AMN1: variants seen among roughly 807,000 people sequenced by gnomAD.
The protein encoded by AMN1 is antagonist of mitotic exit network 1 homolog.
AMN1 carries 20 observed loss-of-function variants against 33.0 expected under a neutral mutation model. The observed-to-expected ratio is 0.61, with a 90% CI of 0.43 to 0.88. The LOEUF (loss-of-function observed/expected upper bound fraction) is 0.88, where lower values mean the gene tolerates loss of function less well. Ranked by LOEUF, AMN1 falls within the 40% of genes least tolerant of loss-of-function variation. The pLI is 0.00. For missense variants in AMN1, 246 were observed against 307.4 expected, an observed-to-expected ratio of 0.80 and a Z score of 1.49; for synonymous variants, 114 against 111.9, an observed-to-expected ratio of 1.02 and a Z score of -0.12.
intron 6 of AMN1, chr12:31,672,728 A>G: frequency 5.3e-6 from 1 of 189,580 alleles, no homozygotes; most frequent in Non-Finnish European, 1.1e-5. Context: ...AGCCGGAAAT[A>G]GATGATTCAC....
Position 31,697,763 on chromosome 12 carries a change from A to G in AMN1, c.511T>C (p.Cys171Arg). ...ACCTGAGTAGCTGAAAAGTCGACAC[A>G]CTGCAAAAATGGGCAGTTTTTTCCT... The part of the protein sequence containing the change: ...ALGKNCPFLQ[C>R]VDFSATQVSD... Residue 171 changes from cysteine to arginine, a missense_variant, in exon 4 of 7, where the codon TGT becomes CGT. Transcript: ENST00000281471. The G allele has an allele frequency of 6.2e-7, 1 of 1,614,022 alleles. No individual in the cohort carries two copies. Among genetic ancestry groups the G allele is most frequent in the South Asian group, 1.1e-5 (1 of 91,084 alleles).
chr12:31,688,842 A>C (rs1466055760), intron 6 of AMN1, among the ~76,000 whole-genome samples, 165 bp downstream of exon 6: 1 of 152,068 alleles, frequency 6.6e-6, no homozygotes, highest in African/African-American at 2.4e-5. Flanking sequence ...AAATAAAATA[A>C]AGAATTGTCA....
Position 31,683,479 on chromosome 12 carries a change from C to A in AMN1, c.703+5528G>T, listed in dbSNP as rs1252723907. Among the ~76,000 whole-genome samples the A allele has an allele frequency of 6.6e-6, 1 of 152,182 alleles. No individual in the cohort carries two copies. The highest frequency in any genetic ancestry group is 2.4e-5 in the African/African-American group (1 of 41,440). ...GACTGTGTCGCCACCCAAATCTCAT[C>A]TTGAATTGTAGCTCCCACAATTCCC... On this transcript the variant is annotated intron_variant, in intron 6 of 6. Coordinates refer to ENST00000281471, the MANE Select transcript of AMN1 (RefSeq NM_001113402.2). The surrounding 1 kb of genome is among the most constrained non-coding windows in gnomAD (Gnocchi z 4.1).
intron 1 of AMN1, among the ~76,000 whole-genome samples, chr12:31,710,323 A>G (rs1189285013): frequency 6.6e-6 from 1 of 152,238 alleles, no homozygotes; most frequent in African/African-American, 2.4e-5. Context: ...CTTTAAAGAA[A>G]CAAATACAAA....
intron 2 of AMN1, among the ~76,000 whole-genome samples, chr12:31,702,995 C>T (rs995965219): frequency 2.0e-5 from 3 of 152,200 alleles, no homozygotes; most frequent in Non-Finnish European, 4.4e-5. Context: ...CCTTGGCCTC[C>T]CAAAGTGCTG....
chr12:31,713,070 G>C (rs1480857292), intron 1 of AMN1, among the ~76,000 whole-genome samples: 1 of 152,122 alleles, frequency 6.6e-6, no homozygotes, highest in Non-Finnish European at 1.5e-5. Context: ...CTGAATCATA[G>C]GGTAGTTCCA....
intron 6 of AMN1, among the ~76,000 whole-genome samples, chr12:31,681,915 G>A (rs558126998): frequency 3.3e-5 from 5 of 152,170 alleles, no homozygotes; most frequent in Non-Finnish European, 5.9e-5. Context: ...GCATTCAAGC[G>A]ATCCACCCAC....
intron 6 of AMN1, among the ~76,000 whole-genome samples, chr12:31,679,956 C>T (rs150323464): frequency 2.7e-4 from 41 of 151,752 alleles, no homozygotes; most frequent in African/African-American, 7.5e-4. Flanking sequence ...GAAACCCTGT[C>T]TCTACTAAAA....
At chr12:31,713,203 TTCTC>T (rs139423025) in intron 1 of AMN1, among the ~76,000 whole-genome samples, 2,393 of 152,276 alleles carry the variant, frequency 0.016, 45 homozygotes, top group Non-Finnish European at 0.021. Flanking sequence ...AGATGTAATG[TTCTC>T]TCTGTGTGTT....
intron 6 of AMN1, among the ~76,000 whole-genome samples, chr12:31,684,128 T>G (rs1307616378): frequency 6.6e-6 from 1 of 152,196 alleles, no homozygotes; most frequent in African/African-American, 2.4e-5. Flanking sequence ...TACAAAATCA[T>G]GCATTGGTAA....
chr12:31,695,059 G>A (rs764582984), intron 5 of AMN1, among the ~76,000 whole-genome samples: 1 of 152,008 alleles, frequency 6.6e-6, no homozygotes, highest in Non-Finnish European at 1.5e-5. Context: ...TGGCACTTTG[G>A]AATAATCTTT....
At chr12:31,708,157 G>C (rs994475527) in intron 2 of AMN1, among the ~76,000 whole-genome samples, 2 of 152,182 alleles carry the variant, frequency 1.3e-5, no homozygotes, top group Middle Eastern at 3.2e-3. Flanking sequence ...CAGGCAAAAA[G>C]AGCCATATTT....
intron 5 of AMN1, among the ~76,000 whole-genome samples, chr12:31,692,274 T>A (rs1938533632): frequency 6.6e-6 from 1 of 151,508 alleles, no homozygotes; most frequent in East Asian, 2.0e-4. Flanking sequence ...CTGGCCAACA[T>A]AGTGAAACCC....
chr12:31,722,571 C>T (rs374860501), intron 1 of AMN1, among the ~76,000 whole-genome samples: 1 of 152,212 alleles, frequency 6.6e-6, no homozygotes, highest in East Asian at 1.9e-4. Context: ...TAGCCACCTC[C>T]TATATAATGA....
At chr12:31,697,998 T>G (rs779648803) in intron 3 of AMN1, 41 bp from the exon 4 acceptor site, 1 of 1,570,270 alleles carries the variant, frequency 6.4e-7, no homozygotes, top group East Asian at 2.2e-5. Flanking sequence ...GCTATATGTG[T>G]GTATATGTAT....
chr12:31,713,293 ATGTT>A (rs576272148), intron 1 of AMN1, among the ~76,000 whole-genome samples: 1 of 152,052 alleles, frequency 6.6e-6, no homozygotes, highest in Non-Finnish European at 1.5e-5. Flanking sequence ...TAATGTATAT[ATGTT>A]TATTTACAGT....
chr12:31,678,115 G>C (rs879583264), intron 6 of AMN1, among the ~76,000 whole-genome samples: 3 of 152,112 alleles, frequency 2.0e-5, no homozygotes, highest in African/African-American at 7.2e-5. Flanking sequence ...AGTTTTCCCT[G>C]GGTGTTTGGC....
At chr12:31,702,568 T>A (rs1285593687) in intron 2 of AMN1, among the ~76,000 whole-genome samples, 7 of 151,158 alleles carry the variant, frequency 4.6e-5, no homozygotes, top group African/African-American at 1.7e-4. Flanking sequence ...CTGTTCTTTA[T>A]TTTTTTTCCA....
At chr12:31,697,648 A>C in intron 4 of AMN1, 92 bp downstream of exon 4, 1 of 1,384,580 alleles carries the variant, frequency 7.2e-7, no homozygotes, top group Non-Finnish European at 1.0e-6. Flanking sequence ...CAACAAAAAC[A>C]AAATGAACTC....
Sources: allele counts gnomAD v4.1 joint callset (sites outside exome capture counted in the v4.1 genomes callset), GRCh38; gene constraint gnomAD v4.1.1; non-coding constraint Gnocchi (gnomAD v3.1); transcripts MANE v1.5; gene names NCBI Gene and HGNC (gene_info 2026-07-23, HGNC 2026-07-21).